RAD52: variants seen among roughly 807,000 people sequenced by gnomAD.
RAD52 encodes RAD52 DNA repair protein.
Under a neutral mutation model 55.5 loss-of-function variants are expected in RAD52, and 47 were observed. That is an observed-to-expected ratio of 0.85 (90% CI 0.67 to 1.08). The LOEUF is 1.08. Ranked by LOEUF, RAD52 falls within the 50% of genes least tolerant of loss-of-function variation. The pLI is 0.00. For missense variants in RAD52, 468 were observed against 522.8 expected (o/e 0.90, Z 1.02); for synonymous variants, 184 against 198.9 (o/e 0.92, Z 0.63).
rs148504020 is a variant in RAD52, at chr12:970,869, G to A, written c.-19+18940C>T. 9.7e-4 allele frequency among the ~76,000 whole-genome samples: 147 copies of A among 151,118 alleles called. 1 individual carries two copies. Among genetic ancestry groups the A allele is most frequent in the Admixed American group, 6.6e-3 (100 of 15,266 alleles). On this transcript the variant is annotated intron_variant, in intron 1 of 11. Transcript: ENST00000430095. ...ATAACCAAAGCCAGGTACATCCCTT[G>A]CTGAGACTTTGAACCAAATACATAT...
At chr12:927,360 C>G (rs1957094756) in intron 5 of RAD52, 97 bp from the exon 6 acceptor site, 1 of 905,188 alleles carries the variant, frequency 1.1e-6, no homozygotes, top group African/African-American at 1.6e-5. Context: ...GCCGGACTCT[C>G]CCACCTGGCG....
chr12:930,818 T>A (rs1050977013), intron 3 of RAD52, among the ~76,000 whole-genome samples: 8 of 151,782 alleles, frequency 5.3e-5, no homozygotes, highest in African/African-American at 1.9e-4. Context: ...CATTAAAAAA[T>A]TAACCAGGTG....
rs765196587 is a variant in RAD52, at chr12:925,431, T to C, written c.543+19A>G. On this transcript the variant is annotated intron_variant, in intron 7 of 11. Transcript: ENST00000358495. ...GTTTGCCGCATTATCTTCACTCCAC[T>C]CATCCATGTCTGATATACCTGGCGT... 1 of 1,599,746 alleles carries C rather than the reference T, an allele frequency of 6.3e-7. No homozygotes were observed. Among genetic ancestry groups the C allele is most frequent in the Non-Finnish European group, 8.6e-7 (1 of 1,166,928 alleles).
Position 913,319 on chromosome 12 carries a change from A to C in RAD52, c.*72T>G. On this transcript the variant is annotated 3_prime_UTR_variant, in exon 12 of 12. Coordinates refer to ENST00000358495, the MANE Select transcript of RAD52 (RefSeq NM_134424.4). ...CGTTCATTCTCCAGCAGCGATGAACAATTTCATGACCAAAAAGTAGTTTTC... is the reference window on the plus strand; with the variant it reads ...CGTTCATTCTCCAGCAGCGATGAACCATTTCATGACCAAAAAGTAGTTTTC... 1 of 1,162,028 alleles carries C rather than the reference A, an allele frequency of 8.6e-7. No homozygotes were observed. Among genetic ancestry groups the C allele is most frequent in the Admixed American group, 2.0e-5 (1 of 49,086 alleles). The allele number at this position is 1,162,028 out of a possible 1,614,324, so 72.0% of individuals were successfully genotyped here. A position where few individuals can be genotyped will look rare whatever the true frequency, so the allele number is the denominator to read the frequency against.
intron 3 of RAD52, among the ~76,000 whole-genome samples, chr12:930,527 T>G (rs1957273174): frequency 6.6e-6 from 1 of 152,160 alleles, no homozygotes; most frequent in Non-Finnish European, 1.5e-5. Context: ...CAAATCTGTT[T>G]GACATATTTT....
intron 1 of RAD52, among the ~76,000 whole-genome samples, chr12:938,012 T>G (rs1040125050): frequency 6.6e-6 from 1 of 152,122 alleles, no homozygotes; most frequent in Non-Finnish European, 1.5e-5. Context: ...GCTTGAAAAC[T>G]CACCCTTTGT....
intron 6 of RAD52, chr12:926,723 T>TATAGCAACATAA: frequency 7.2e-7 from 1 of 1,388,608 alleles, no homozygotes; most frequent in Non-Finnish European, 9.7e-7. Context: ...CAGCCTCTGG[T>TATAGCAACATAA]ATTCCTGTAT....
chr12:922,169 T>C (rs1956764089), intron 7 of RAD52, among the ~76,000 whole-genome samples: 2 of 89,532 alleles, frequency 2.2e-5, no homozygotes, highest in East Asian at 3.1e-4. Context: ...CCCAATAAAA[T>C]ATCACGCCCA....
upstream of RAD52, chr12:991,122 G>T (rs914207890): frequency 6.6e-6 from 1 of 151,588 alleles, no homozygotes; most frequent in South Asian, 1.8e-4. Flanking sequence ...GAGGGAAAGG[G>T]AGGCAGCCGA....
upstream of RAD52, among the ~76,000 whole-genome samples, chr12:950,890 A>C (rs2887534): frequency 0.76 from 115,928 of 151,824 alleles, 44,583 homozygotes; most frequent in South Asian, 0.84. Flanking sequence ...TCTCCCCATT[A>C]TCTCCCCCAG....
chr12:954,509 G>A (rs892732355), upstream of RAD52, among the ~76,000 whole-genome samples: 1 of 151,990 alleles, frequency 6.6e-6, no homozygotes, highest in Non-Finnish European at 1.5e-5. Flanking sequence ...ACACGCACCT[G>A]TAATCCCAGC....
intron 1 of RAD52, among the ~76,000 whole-genome samples, chr12:960,635 T>C (rs1958670261): frequency 6.6e-6 from 1 of 152,112 alleles, no homozygotes; most frequent in Non-Finnish European, 1.5e-5. Context: ...ATTTTTGTTG[T>C]TGTTGTTGTT....
At chr12:936,966 A>G (rs189548668) in intron 1 of RAD52, 1 of 152,348 alleles carries the variant, frequency 6.6e-6, no homozygotes, top group Admixed American at 6.5e-5. Context: ...CTGGGTACCT[A>G]TCACTTCCCA....
At chr12:972,668 A>G (rs1315721812) in intron 1 of RAD52, among the ~76,000 whole-genome samples, 2 of 149,586 alleles carry the variant, frequency 1.3e-5, no homozygotes, top group African/African-American at 2.5e-5. Context: ...CGGTAGGCTG[A>G]GGCAGGAGAA....
intron 1 of RAD52, among the ~76,000 whole-genome samples, chr12:972,731 A>T (rs759579490): frequency 1.4e-5 from 2 of 139,594 alleles, no homozygotes; most frequent in Admixed American, 1.6e-4. Flanking sequence ...GCACCACTGC[A>T]CTCCAGCCTG....
rs181352908 is a variant in RAD52 at position 971,165 on chromosome 12, T to C, written c.-19+18644A>G. 1.8e-3 allele frequency among the ~76,000 whole-genome samples: 278 copies of C among 152,316 alleles called. 2 individuals carry two copies. Among genetic ancestry groups the C allele is most frequent in the African/African-American group, 3.8e-4 (16 of 41,574 alleles). On this transcript the variant is annotated intron_variant, in intron 1 of 11. Transcript: ENST00000430095. ...AGGAACCTATATGTCTTTACTTCCA[T>C]TGGGGCCTAATATTTCCCTTGGGGT...
In RAD52 at chr12:913,286, C is replaced by T. The variant is rs1051669; in HGVS notation, c.*105G>A. ...AGGTTCAGAATGAAGCAAGATAAATCGCAATGACGTTCATTCTCCAGCAGC... is the reference window on the plus strand; with the variant it reads ...AGGTTCAGAATGAAGCAAGATAAATTGCAATGACGTTCATTCTCCAGCAGC... On this transcript the variant is annotated 3_prime_UTR_variant, in exon 12 of 12. Transcript: ENST00000358495. The T allele has an allele frequency of 0.24, 205,406 of 853,418 alleles. 25,554 individuals carry two copies. Among genetic ancestry groups the T allele is most frequent in the Middle Eastern group, 0.33 (1,290 of 3,900 alleles). The allele number at this position is 853,418 out of a possible 1,614,324, so 52.9% of individuals were successfully genotyped here.
chr12:934,619 C>G (rs1364188798), intron 1 of RAD52, among the ~76,000 whole-genome samples: 1 of 152,042 alleles, frequency 6.6e-6, no homozygotes, highest in Non-Finnish European at 1.5e-5. Flanking sequence ...TTCAGAGAAG[C>G]AATACCCAAC....
At chr12:989,494 A>C (rs1203744789) in intron 1 of RAD52, among the ~76,000 whole-genome samples, 1 of 152,180 alleles carries the variant, frequency 6.6e-6, no homozygotes, top group Non-Finnish European at 1.5e-5. Flanking sequence ...CAAAAATCCT[A>C]AACGTAGGTT....
Sources: gnomAD v4.1 joint callset for allele counts (sites outside exome capture counted in the v4.1 genomes callset) on GRCh38, gnomAD v4.1.1 for gene constraint, MANE v1.5 for transcripts, NCBI Gene and HGNC (gene_info 2026-07-23, HGNC 2026-07-21) for gene names.